The following COL7A1 variants were observed in gnomAD, a reference collection of about 807,000 sequenced individuals.
The protein encoded by COL7A1 is collagen type VII alpha 1 chain.
In COL7A1, 296 loss-of-function variants were observed where a neutral mutation model predicts 456.2. The ratio of observed to expected loss-of-function variants is 0.65; its 90% CI spans 0.59 to 0.71. COL7A1 has a LOEUF of 0.71. Among genes scored for constraint, COL7A1 ranks in the 30% least tolerant of loss-of-function variants. The pLI, the probability that COL7A1 is intolerant of heterozygous loss-of-function variation, is 0.00. For missense variants in COL7A1, 3,441 were observed against 4,017.2 expected (o/e 0.86, Z 3.88); for synonymous variants, 1,464 against 1,525.9 (o/e 0.96, Z 0.95).
Position 48,568,157 on chromosome 3 carries a change from T to A in COL7A1, c.7808A>T (p.Lys2603Met), listed in dbSNP as rs1274002081. 6.2e-7 allele frequency: 1 copy of A among 1,613,826 alleles called. No homozygotes were observed. The highest frequency in any genetic ancestry group is 1.7e-5 in the Admixed American group (1 of 60,030). ...TCCTCGGATACCAGGCACTCCATCC[T>A]TTCCTGGGGATCCCTAGCAGGGAGA... Reference protein sequence around the residue: ...GIPGDPGSPGKDGVPGIRGEK... With the variant: ...GIPGDPGSPGMDGVPGIRGEK... Residue 2603 changes from lysine to methionine, a missense_variant, in exon 106 of 119, where the codon AAG (lysine) becomes ATG (methionine). Lys to Met is a moderately conservative substitution (Grantham distance 95). This residue lies in a region of COL7A1 where 2,084 missense variants were observed against 2,501.3 expected (regional missense o/e 0.83). Transcript: ENST00000681320. This position sits in a 1 kb window ranked among gnomAD's most constrained non-coding sequence, Gnocchi z 5.2.
chr3:48,582,517 A>G lies in COL7A1; in HGVS notation c.4564-4T>C. ...GGCCAGTGGGTCCTGGTGGCCCCTG[A>G]ATGTAGAGAAAGTGTGAGCCCAGGA... On this transcript the variant is annotated splice_polypyrimidine_tract_variant and splice_region_variant and intron_variant, in intron 45 of 118. Transcript: ENST00000681320. 1 of 1,613,950 alleles carries G rather than the reference A, an allele frequency of 6.2e-7. No individual in the cohort carries two copies. Among genetic ancestry groups the G allele is most frequent in the Non-Finnish European group, 8.5e-7 (1 of 1,179,998 alleles).
Position 48,566,899 on chromosome 3 carries a change from C to G in COL7A1, c.8226+8G>C, listed in dbSNP as rs570837917. Reference sequence around the variant, plus strand: ...CAGGGATCAGGAGTCAGAGCTGGGGCCCCTTACCTTCTGGCCCTGAAGTCC... The same window carrying G: ...CAGGGATCAGGAGTCAGAGCTGGGGGCCCTTACCTTCTGGCCCTGAAGTCC... On this transcript the variant is annotated splice_region_variant and intron_variant, in intron 111 of 118. Transcript: ENST00000681320. The surrounding 1 kb of genome is among the most constrained non-coding windows in gnomAD (Gnocchi z 5.9). 3.1e-6 allele frequency: 5 copies of G among 1,596,556 alleles called. No individual in the cohort carries two copies. The African/African-American group carries it at 6.7e-5, about 21-fold the overall frequency.
rs777947120 is a variant in COL7A1 at position 48,578,916 on chromosome 3, T to C, written c.5424+3A>G. On this transcript the variant is annotated splice_donor_region_variant and intron_variant, in intron 63 of 118. Transcript: ENST00000681320. This position sits in a 1 kb window ranked among gnomAD's most constrained non-coding sequence, Gnocchi z 4.7. ...CTCTGTCCCAGCATCTCCCCTCACT[T>C]ACGTCTCTCCCTGGGTCCCCAGCTT... 10 of 1,613,624 alleles carry C rather than the reference T, an allele frequency of 6.2e-6. No individual in the cohort carries two copies. Among genetic ancestry groups the C allele is most frequent in the Non-Finnish European group, 8.5e-6 (10 of 1,179,900 alleles).
rs150164903 is a variant in COL7A1, at chr3:48,587,834, G to A, written c.2816C>T (p.Pro939Leu). Residue 939 changes from proline to leucine, a missense_variant, in exon 22 of 119, where the codon CCA becomes CTA. By Grantham distance (98) the Pro-to-Leu change is moderately conservative. Around this residue, in one of 3 missense-constraint regions of COL7A1, gnomAD observed 444 missense variants for 427.6 expected, o/e 1.04. Transcript: ENST00000681320. The surrounding 1 kb of genome is among the most constrained non-coding windows in gnomAD (Gnocchi z 6.1). ...CTCTGCAGAGGGCCCTTCTCCAGCTGGCCCTAGGACACTCAGCCTCACGCG... is the reference window on the plus strand; with the variant it reads ...CTCTGCAGAGGGCCCTTCTCCAGCTAGCCCTAGGACACTCAGCCTCACGCG... ...QYRVRLSVLG[P>L]AGEGPSAEVT... is the part of the protein sequence containing the mutation. 127 of 1,613,374 alleles carry A rather than the reference G, an allele frequency of 7.9e-5. 1 individual carries two copies. The highest frequency in any genetic ancestry group is 5.9e-4 in the South Asian group (54 of 91,074).
Position 48,571,830 on chromosome 3 carries a change from T to C in COL7A1, c.7068+171A>G. 1 of 803,464 alleles carries C rather than the reference T, an allele frequency of 1.2e-6. No individual in the cohort carries two copies. The highest frequency in any genetic ancestry group is 1.7e-5 in the South Asian group (1 of 59,360). The allele number at this position is 803,464 out of a possible 1,614,324, so 49.8% of individuals were successfully genotyped here. ...GACAGGGCCCCCAGAGCTCAGAGTG[T>C]GGAAGCCGACAGTGTGTGGCTCCCT... On this transcript the variant is annotated intron_variant, in intron 92 of 118. Coordinates refer to ENST00000681320, the MANE Select transcript of COL7A1 (RefSeq NM_000094.4). The surrounding 1 kb of genome is among the most constrained non-coding windows in gnomAD (Gnocchi z 4.6).
At position 48,576,903 on chromosome 3, in the gene COL7A1, G is replaced by C. The variant is rs1013627013; in HGVS notation, c.5585C>G (p.Ser1862Ter). The change falls in exon 67 of 119, where the codon TCA (serine) becomes TGA (stop). Residue 1862 changes from serine (S) to a stop codon, truncating the protein, a stop_gained. Transcript: ENST00000681320. LOFTEE classifies it high-confidence loss of function. ...ACTCACTTCTCTCCCAGAGGCGCCT[G>C]AATCTCCTTTCTCTCCCTAAGGAAG... ...EDGRKGEKGDSGASGREGRDG... is the reference protein window; with the variant it reads ...EDGRKGEKGD 6.2e-7 allele frequency: 1 copy of C among 1,614,088 alleles called. No homozygotes were observed.
At position 48,566,604 on chromosome 3, in the gene COL7A1, C is replaced by T. The variant is rs374220118; in HGVS notation, c.8305-41G>A. 6.2e-6 allele frequency: 10 copies of T among 1,614,038 alleles called. No homozygotes were observed. Among genetic ancestry groups the T allele is most frequent in the African/African-American group, 5.3e-5 (4 of 74,908 alleles). ...GGGACCAGGCTGTGACCTCTGACCT[C>T]AGGGACAACAGAAGTCACCCCGATC... On this transcript the variant is annotated intron_variant, in intron 112 of 118. Transcript: ENST00000681320. The surrounding 1 kb of genome is among the most constrained non-coding windows in gnomAD (Gnocchi z 5.9).
At position 48,568,469 on chromosome 3, in the gene COL7A1, G is replaced by A. The variant is rs768397152; in HGVS notation, c.7794+30C>T. The A allele has an allele frequency of 4.4e-6, 7 of 1,588,284 alleles. No individual in the cohort carries two copies. Among genetic ancestry groups the A allele is most frequent in the Non-Finnish European group, 5.2e-6 (6 of 1,162,834 alleles). On this transcript the variant is annotated intron_variant, in intron 105 of 118. Coordinates refer to ENST00000681320, the MANE Select transcript of COL7A1 (RefSeq NM_000094.4). This position sits in a 1 kb window ranked among gnomAD's most constrained non-coding sequence, Gnocchi z 5.2. ...GGTGACGGGGGCCCTCTGGGGACAGGGGGCCCCTGTGGGAGCAGGGGCATC... is the reference window on the plus strand; with the variant it reads ...GGTGACGGGGGCCCTCTGGGGACAGAGGGCCCCTGTGGGAGCAGGGGCATC...
At position 48,582,640 on chromosome 3, in the gene COL7A1, A is replaced by ACC; in HGVS notation, c.4530_4531dup (p.Val1511GlyfsTer200). 1 of 1,613,224 alleles carries ACC rather than the reference A, an allele frequency of 6.2e-7. No homozygotes were observed. The highest frequency in any genetic ancestry group is 8.5e-7 in the Non-Finnish European group (1 of 1,179,958). Reference sequence around the variant, plus strand: ...ACCCTTGGCTCCAGGACGTCCAGCAACCCCTGGCAGCCCCTGGAGGAGAGG... The same window carrying ACC: ...ACCCTTGGCTCCAGGACGTCCAGCAACCCCCCTGGCAGCCCCTGGAGGAGAGG... On this transcript the variant is annotated frameshift_variant, in exon 45 of 119. Coordinates refer to ENST00000681320, the MANE Select transcript of COL7A1 (RefSeq NM_000094.4). LOFTEE classifies it high-confidence loss of function.
Position 48,576,280 on chromosome 3 carries a change from C to T in COL7A1, c.5789G>A (p.Arg1930His), listed in dbSNP as rs771823850. 3.7e-6 allele frequency: 6 copies of T among 1,613,812 alleles called. No individual in the cohort carries two copies. Among genetic ancestry groups the T allele is most frequent in the Non-Finnish European group, 5.1e-6 (6 of 1,180,014 alleles). ...ACTTCCAGGCTCTCCTCGCAGGCCA[C>T]GCTCTCCAGGGAGGCCCTGGAGAGA... The part of the protein sequence containing the change: ...SKGEQGLPGE[R>H]GLRGEPGSVP... Residue 1930 changes from arginine to histidine, a missense_variant, in exon 71 of 119, where the codon CGT becomes CAT. Physicochemically the swap from Arg to His is conservative, Grantham distance 29. Coordinates refer to ENST00000681320, the MANE Select transcript of COL7A1 (RefSeq NM_000094.4).
rs573432153 is a variant in COL7A1, at chr3:48,575,081, C to T, written c.6262G>A (p.Gly2088Arg). The T allele has an allele frequency of 4.3e-6, 7 of 1,613,334 alleles. No homozygotes were observed. The highest frequency in any genetic ancestry group is 2.2e-5 in the East Asian group (1 of 44,862). The change falls in exon 76 of 119, where the codon GGA (glycine) becomes AGA (arginine). Residue 2088 changes from glycine (G) to arginine (R), a missense_variant. By Grantham distance (125) the Gly-to-Arg change is moderately radical (BLOSUM62 -2). Coordinates refer to ENST00000681320, the MANE Select transcript of COL7A1 (RefSeq NM_000094.4). This position sits in a 1 kb window ranked among gnomAD's most constrained non-coding sequence, Gnocchi z 6.3. ...GTGATCACCTTGGGGCCAGGGGGTC[C>T]GGGGGGCCCAGGGGTTCCAGGGAGT... ...PGLPGTPGPP[G>R]PPGPKVSVDE... is the part of the protein sequence containing the mutation.
rs1315940533 is a variant in COL7A1, at chr3:48,591,565, G to GT, written c.1534dup (p.Thr512AsnfsTer37). Reference sequence around the variant, plus strand: ...GGGCAGCTCGGTGGCTTGCAGGTCTGTTACAGGGCTCACAGGCAGCTCTGG... The same window carrying GT: ...GGGCAGCTCGGTGGCTTGCAGGTCTGTTTACAGGGCTCACAGGCAGCTCTGG... On this transcript the variant is annotated frameshift_variant, in exon 13 of 119. Transcript: ENST00000681320. LOFTEE classifies it high-confidence loss of function. The surrounding 1 kb of genome is among the most constrained non-coding windows in gnomAD (Gnocchi z 7.0). The GT allele has an allele frequency of 6.2e-7, 1 of 1,613,686 alleles. No individual in the cohort carries two copies. The highest frequency in any genetic ancestry group is 1.3e-5 in the African/African-American group (1 of 74,908).
At chr3:48,584,994 C>T in intron 33 of COL7A1, 42 bp downstream of exon 33, 3 of 1,613,664 alleles carry the variant, frequency 1.9e-6, no homozygotes, top group Non-Finnish European at 8.5e-7. Context: ...CCCACCCACT[C>T]AGGCAGCGCC....
At position 48,570,270 on chromosome 3, in the gene COL7A1, CG is replaced by C. The variant is rs765174446; in HGVS notation, c.7440+4del. On this transcript the variant is annotated splice_donor_region_variant and intron_variant, in intron 98 of 118. Transcript: ENST00000681320. The surrounding 1 kb of genome is among the most constrained non-coding windows in gnomAD (Gnocchi z 5.5). ...GAGTTCGGCTGTGGAGTAAGACATA[CG>C]TACCCGGATGCCTGGCTCCCCACGC... 8.1e-6 allele frequency: 13 copies of C among 1,613,962 alleles called. No homozygotes were observed. In the Admixed American group the frequency reaches 1.3e-4, roughly 17 times the overall value.
At position 48,593,626 on chromosome 3, in the gene COL7A1, T is replaced by C; in HGVS notation, c.337A>G (p.Lys113Glu). 3 of 1,614,178 alleles carry C rather than the reference T, an allele frequency of 1.9e-6. No individual in the cohort carries two copies. Among genetic ancestry groups the C allele is most frequent in the Admixed American group, 3.3e-5 (2 of 60,028 alleles). The change falls in exon 4 of 119, where the codon AAG becomes GAG. Residue 113 changes from lysine (K) to glutamate (E), a missense_variant. Around this residue, in one of 3 missense-constraint regions of COL7A1, gnomAD observed 913 missense variants for 1,088.2 expected, o/e 0.84. Transcript: ENST00000681320. The surrounding 1 kb of genome is among the most constrained non-coding windows in gnomAD (Gnocchi z 4.4). ...GCCCCTGTGCGAGTGTTGCCCCCCTTGTAGCTAAGCTCACGGATGGCGCGG... is the reference window on the plus strand; with the variant it reads ...GCCCCTGTGCGAGTGTTGCCCCCCTCGTAGCTAAGCTCACGGATGGCGCGG... ...VIRAIRELSY[K>E]GGNTRTGAAI...
At chr3:48,577,646 T>C (rs575722444) in intron 65 of COL7A1, among the ~76,000 whole-genome samples, 9 of 152,342 alleles carry the variant, frequency 5.9e-5, no homozygotes, top group South Asian at 2.1e-4. Context: ...CTTGGGTCCA[T>C]GTCTTAGCAC....
In COL7A1 at chr3:48,569,233, C is replaced by T; in HGVS notation, c.7686+142G>A. 2 of 1,030,486 alleles carry T rather than the reference C, an allele frequency of 1.9e-6. No individual in the cohort carries two copies. Among genetic ancestry groups the T allele is most frequent in the Non-Finnish European group, 3.0e-6 (2 of 667,608 alleles). 63.8% of individuals were successfully genotyped at this position (1,030,486 alleles called of 1,614,324 possible). On this transcript the variant is annotated intron_variant, in intron 103 of 118. Coordinates refer to ENST00000681320, the MANE Select transcript of COL7A1 (RefSeq NM_000094.4). This position sits in a 1 kb window ranked among gnomAD's most constrained non-coding sequence, Gnocchi z 4.9. ...CCCTCCCTAGAGCCCCTCCTCTCGG[C>T]CACTCCATAGTCAGCCACAGAACCC...
rs1298999502 is a variant in COL7A1 at position 48,567,351 on chromosome 3, T to C, written c.8047-161A>G. The C allele has an allele frequency of 4.1e-6, 4 of 981,172 alleles. No individual in the cohort carries two copies. The highest frequency in any genetic ancestry group is 1.6e-5 in the African/African-American group (1 of 62,214). 60.8% of individuals were successfully genotyped at this position (981,172 alleles called of 1,614,324 possible). ...GATCCCCATGACTCCAACTCCACTATAGCCCCCTGCCCTGATGCACATGCC... is the reference window on the plus strand; with the variant it reads ...GATCCCCATGACTCCAACTCCACTACAGCCCCCTGCCCTGATGCACATGCC... On this transcript the variant is annotated intron_variant, in intron 109 of 118. Coordinates refer to ENST00000681320, the MANE Select transcript of COL7A1 (RefSeq NM_000094.4). The surrounding 1 kb of genome is among the most constrained non-coding windows in gnomAD (Gnocchi z 4.3).
chr3:48,564,169 C>T lies in COL7A1; in HGVS notation c.*237G>A. The T allele has an allele frequency of 1.6e-6, 1 of 614,686 alleles. No individual in the cohort carries two copies. The highest frequency in any genetic ancestry group is 3.0e-6 in the Non-Finnish European group (1 of 336,528). The allele number at this position is 614,686 out of a possible 1,614,324, so 38.1% of individuals were successfully genotyped here. A position where few individuals can be genotyped will look rare whatever the true frequency, so the allele number is the denominator to read the frequency against. On this transcript the variant is annotated 3_prime_UTR_variant, in exon 119 of 119. Coordinates refer to ENST00000681320, the MANE Select transcript of COL7A1 (RefSeq NM_000094.4). This position sits in a 1 kb window ranked among gnomAD's most constrained non-coding sequence, Gnocchi z 6.0. ...GGGTCAGACGCCAGTCACATCCGCT[C>T]ACTGCCCACAGCCACCCCCCCACAG...
Sources: gnomAD v4.1 joint callset for allele counts (sites outside exome capture counted in the v4.1 genomes callset) on GRCh38, gnomAD v4.1.1 for gene constraint, gnomAD v4.1.1 regional missense constraint, Gnocchi (gnomAD v3.1) non-coding constraint, MANE v1.5 for transcripts, NCBI Gene and HGNC (gene_info 2026-07-23, HGNC 2026-07-21) for gene names.